ADGRB3: variants seen among roughly 807,000 people sequenced by gnomAD.
The protein encoded by ADGRB3 is brain-specific angiogenesis inhibitor 3.
Under a neutral mutation model 193.4 loss-of-function variants are expected in ADGRB3, and 37 were observed. The ratio of observed to expected loss-of-function variants is 0.19; its 90% CI spans 0.15 to 0.25. The LOEUF (loss-of-function observed/expected upper bound fraction) is 0.25, where lower values mean the gene tolerates loss of function less well. ADGRB3 is among the 10% of genes least tolerant of loss of function. The pLI is 1.00. For synonymous variants in ADGRB3, 690 were observed against 644.2 expected, an observed-to-expected ratio of 1.07 and a Z score of -1.08; for missense variants, 1,637 against 1,852.9, an observed-to-expected ratio of 0.88 and a Z score of 2.14.
chr6:69,007,829 T>C (rs1769810242), intron 11 of ADGRB3, among the ~76,000 whole-genome samples: 2 of 152,108 alleles, frequency 1.3e-5, no homozygotes, highest in South Asian at 2.1e-4. Flanking sequence ...GACTGGTTAA[T>C]TGGTAACGAA....
intron 10 of ADGRB3, among the ~76,000 whole-genome samples, chr6:68,992,174 CTGT>C (rs1224622862): frequency 6.6e-6 from 1 of 152,094 alleles, no homozygotes; most frequent in African/African-American, 2.4e-5. Context: ...TTGATTAACT[CTGT>C]TTAGTTATTT....
intron 3 of ADGRB3, among the ~76,000 whole-genome samples, chr6:68,804,710 A>C (rs1767371871): frequency 6.6e-6 from 1 of 152,150 alleles, no homozygotes; most frequent in African/African-American, 2.4e-5. Context: ...TTGAATTTGC[A>C]CTTATGAGGA....
intron 17 of ADGRB3, among the ~76,000 whole-genome samples, chr6:69,134,751 G>A (rs538640621): frequency 1.3e-4 from 19 of 151,508 alleles, no homozygotes; most frequent in Non-Finnish European, 2.2e-4. Flanking sequence ...ATATATGTAT[G>A]GTGTGTGTGT....
chr6:69,074,179 A>T lies in ADGRB3; in HGVS notation c.2437-1816A>T, dbSNP rs558546163. Among the ~76,000 whole-genome samples the T allele has an allele frequency of 3.9e-5, 6 of 152,170 alleles. No homozygotes were observed. In the East Asian group the frequency reaches 7.7e-4, roughly 20 times the overall value. On this transcript the variant is annotated intron_variant, in intron 16 of 31. Transcript: ENST00000370598. ...AAAAAAAAAAAGTAAGATACCTTGG[A>T]TATGTGGCCTTTCAGGGAATTTTTA...
intron 3 of ADGRB3, among the ~76,000 whole-genome samples, chr6:68,816,036 G>T (rs1027424630): frequency 5.3e-5 from 8 of 151,816 alleles, no homozygotes; most frequent in African/African-American, 1.9e-4. Context: ...AAGAAGAATG[G>T]AATTAAGTTA....
intron 11 of ADGRB3, among the ~76,000 whole-genome samples, chr6:69,010,803 A>G (rs890270976): frequency 6.6e-6 from 1 of 151,932 alleles, no homozygotes; most frequent in South Asian, 2.1e-4. Flanking sequence ...AAAAAACAAA[A>G]AAAAGCAAAA....
intron 16 of ADGRB3, among the ~76,000 whole-genome samples, chr6:69,074,780 C>T (rs935730492): frequency 6.6e-6 from 1 of 152,008 alleles, no homozygotes; most frequent in Non-Finnish European, 1.5e-5. Context: ...CTCCTGACCT[C>T]GTGATCTGCC....
At chr6:68,715,280 C>T (rs868854776) in intron 3 of ADGRB3, among the ~76,000 whole-genome samples, 13 of 151,168 alleles carry the variant, frequency 8.6e-5, no homozygotes, top group Non-Finnish European at 1.5e-4. Flanking sequence ...GATTGTGTAA[C>T]GCACGTCTGC....
intron 3 of ADGRB3, among the ~76,000 whole-genome samples, chr6:68,642,766 C>T (rs1582092334): frequency 6.8e-6 from 1 of 147,420 alleles, no homozygotes; most frequent in South Asian, 2.1e-4. Context: ...TTATTTCAGG[C>T]AGCTTTTTAA....
chr6:68,924,456 T>C lies in ADGRB3; in HGVS notation c.758-6103T>C, dbSNP rs548383352. Among the ~76,000 whole-genome samples, 5 of 152,200 alleles carry C rather than the reference T, an allele frequency of 3.3e-5. No individual in the cohort carries two copies. In the East Asian group the frequency reaches 9.7e-4, roughly 29 times the overall value. On this transcript the variant is annotated intron_variant, in intron 3 of 31. Coordinates refer to ENST00000370598, the MANE Select transcript of ADGRB3 (RefSeq NM_001704.3). Reference sequence around the variant, plus strand: ...TATGTAATTATTTCATCATTTTTACTTGGAGTAATGTTAAATAAATACAGC... The same window carrying C: ...TATGTAATTATTTCATCATTTTTACCTGGAGTAATGTTAAATAAATACAGC...
intron 3 of ADGRB3, among the ~76,000 whole-genome samples, chr6:68,907,542 AT>A (rs1202378754): frequency 2.6e-5 from 4 of 151,768 alleles, no homozygotes; most frequent in African/African-American, 4.8e-5. Flanking sequence ...ATTTTTTCTA[AT>A]TTTTTTAGGG....
intron 17 of ADGRB3, among the ~76,000 whole-genome samples, chr6:69,158,572 G>T (rs568563092): frequency 3.3e-5 from 5 of 151,932 alleles, no homozygotes; most frequent in African/African-American, 9.6e-5. Flanking sequence ...TATAAAAATA[G>T]AAAATAAAAA....
chr6:69,015,378 G>A (rs914133872), intron 12 of ADGRB3, among the ~76,000 whole-genome samples: 1 of 151,914 alleles, frequency 6.6e-6, no homozygotes, highest in Non-Finnish European at 1.5e-5. Flanking sequence ...TTTTGAGTTA[G>A]CTATATTCTT....
chr6:69,378,399 T>A (rs1032065751), intron 30 of ADGRB3, among the ~76,000 whole-genome samples: 8 of 152,026 alleles, frequency 5.3e-5, no homozygotes, highest in Non-Finnish European at 7.4e-5. Context: ...TGATGTGGAA[T>A]TCAGAAAGAA....
chr6:68,839,593 C>T (rs934328305), intron 3 of ADGRB3, among the ~76,000 whole-genome samples: 6 of 152,126 alleles, frequency 3.9e-5, no homozygotes, highest in Admixed American at 3.9e-4. Flanking sequence ...CCTAGCCTTA[C>T]ACTTCTGCTC....
intron 13 of ADGRB3, among the ~76,000 whole-genome samples, chr6:69,039,743 T>A (rs1770973665): frequency 2.1e-5 from 1 of 47,768 alleles, no homozygotes; most frequent in East Asian, 2.5e-4. Context: ...TGTTTTTTTC[T>A]TTTTTTTTTT....
intron 17 of ADGRB3, among the ~76,000 whole-genome samples, chr6:69,163,324 A>T (rs775895589): frequency 3.7e-4 from 56 of 152,066 alleles, no homozygotes; most frequent in Non-Finnish European, 7.4e-4. Flanking sequence ...AAGTATATAA[A>T]ATATCTGATT....
At chr6:68,782,477 T>G (rs890654813) in intron 3 of ADGRB3, among the ~76,000 whole-genome samples, 2 of 152,030 alleles carry the variant, frequency 1.3e-5, no homozygotes, top group African/African-American at 4.8e-5. Flanking sequence ...TAATCCTTTG[T>G]GTATATACCC....
intron 3 of ADGRB3, among the ~76,000 whole-genome samples, chr6:68,812,632 G>A (rs966058033): frequency 6.6e-6 from 1 of 151,830 alleles, no homozygotes; most frequent in African/African-American, 2.4e-5. Flanking sequence ...AACTGTGAAT[G>A]TTGCTTCTAC....
Sources: gnomAD v4.1 joint callset for allele counts (sites outside exome capture counted in the v4.1 genomes callset) on GRCh38, gnomAD v4.1.1 for gene constraint, MANE v1.5 for transcripts, NCBI Gene and HGNC (gene_info 2026-07-23, HGNC 2026-07-21) for gene names.